The following ITGA9 variants were observed in gnomAD, a reference collection of about 807,000 sequenced individuals.
ITGA9 encodes integrin alpha-9.
ITGA9 carries 56 observed loss-of-function variants against 127.8 expected under a neutral mutation model. The observed-to-expected ratio is 0.44, with a 90% CI of 0.35 to 0.55. The LOEUF is 0.55. Ranked by LOEUF, ITGA9 falls within the 20% of genes least tolerant of loss-of-function variation. The probability of loss-of-function intolerance (pLI) is 0.00; values close to 1 mark genes in which losing one functional copy is unlikely to be tolerated. For missense variants in ITGA9, 1,196 were observed against 1,347.1 expected, an observed-to-expected ratio of 0.89 and a Z score of 1.76; for synonymous variants, 508 against 514.5, an observed-to-expected ratio of 0.99 and a Z score of 0.17.
intron 15 of ITGA9, among the ~76,000 whole-genome samples, chr3:37,563,382 A>G (rs964514492): frequency 8.5e-5 from 13 of 152,184 alleles, no homozygotes; most frequent in African/African-American, 2.7e-4. Context: ...TAAATTTTGG[A>G]TTGTCCTAAT....
At chr3:37,611,175 C>A (rs2125625836) in intron 15 of ITGA9, among the ~76,000 whole-genome samples, 1 of 152,292 alleles carries the variant, frequency 6.6e-6, no homozygotes, top group Non-Finnish European at 1.5e-5. Flanking sequence ...TTCCTATTGG[C>A]TGAATGTCCA....
At chr3:37,793,466 T>C (rs1027334255) in intron 26 of ITGA9, among the ~76,000 whole-genome samples, 2 of 150,890 alleles carry the variant, frequency 1.3e-5, no homozygotes, top group African/African-American at 4.9e-5. Flanking sequence ...CCTGCAGCAC[T>C]GTATGCATAC....
chr3:37,500,905 T>A (rs1698781369), intron 5 of ITGA9, among the ~76,000 whole-genome samples: 1 of 152,170 alleles, frequency 6.6e-6, no homozygotes. Flanking sequence ...CCATGAGCCT[T>A]CATGACCAGT....
At chr3:37,630,755 C>T (rs1034981812) in intron 16 of ITGA9, among the ~76,000 whole-genome samples, 65 of 152,210 alleles carry the variant, frequency 4.3e-4, no homozygotes, top group African/African-American at 1.5e-3. Context: ...AAACACGAAC[C>T]TTCTTTCACA....
chr3:37,581,643 G>A (rs963010646), intron 15 of ITGA9, among the ~76,000 whole-genome samples: 2 of 152,212 alleles, frequency 1.3e-5, no homozygotes, highest in African/African-American at 4.8e-5. Context: ...AGCAAGATCT[G>A]GAAAGCAAGA....
At chr3:37,578,220 T>C (rs1451586963) in intron 15 of ITGA9, among the ~76,000 whole-genome samples, 3 of 152,166 alleles carry the variant, frequency 2.0e-5, no homozygotes. Context: ...AAGAAAGGTT[T>C]GATTTTGGAA....
At chr3:37,741,638 G>T in intron 20 of ITGA9, 92 bp from the exon 21 acceptor site, 1 of 973,234 alleles carries the variant, frequency 1.0e-6, no homozygotes, top group Non-Finnish European at 1.6e-6. Context: ...CTTGGAGAAT[G>T]TAGAGATTCA....
intron 16 of ITGA9, among the ~76,000 whole-genome samples, chr3:37,652,925 A>T (rs561353041): frequency 6.6e-6 from 1 of 152,200 alleles, no homozygotes; most frequent in East Asian, 1.9e-4. Flanking sequence ...TGGACCGTAG[A>T]AGAAAGCCCT....
Position 37,590,351 on chromosome 3 carries a change from T to G in ITGA9, c.1690-38836T>G, listed in dbSNP as rs34973614. ...AGGACAGGAAGATGAGAGGAAGATA[T>G]TCCAGAGCTGGGTGGAGAGTCAGGG... On this transcript the variant is annotated intron_variant, in intron 15 of 27. Transcript: ENST00000264741. Among the ~76,000 whole-genome samples, 753 of 152,236 alleles carry G rather than the reference T, an allele frequency of 4.9e-3. 3 individuals are homozygous for G. The highest frequency in any genetic ancestry group is 0.034 in the Middle Eastern group (10 of 294).
chr3:37,508,085 G>T (rs898296827), intron 7 of ITGA9, among the ~76,000 whole-genome samples: 4 of 152,238 alleles, frequency 2.6e-5, no homozygotes, highest in African/African-American at 7.2e-5. Context: ...CTAATATTAC[G>T]TGAAATCACT....
chr3:37,666,201 A>G (rs1256811701), intron 17 of ITGA9, among the ~76,000 whole-genome samples: 1 of 152,190 alleles, frequency 6.6e-6, no homozygotes, highest in African/African-American at 2.4e-5. Flanking sequence ...GCAGCACTCT[A>G]CATGGTCTGA....
At chr3:37,523,730 T>C in intron 12 of ITGA9, 119 bp downstream of exon 12, 1 of 777,026 alleles carries the variant, frequency 1.3e-6, no homozygotes, top group Non-Finnish European at 2.3e-6. Context: ...ATTCACACAA[T>C]AGAATAGGGT....
rs10565669 is a variant in ITGA9 at position 37,759,077 on chromosome 3, CCACACA to C, written c.2541+8527_2541+8532del. Among the ~76,000 whole-genome samples, 113 of 146,174 alleles carry C rather than the reference CCACACA, an allele frequency of 7.7e-4. 3 individuals are homozygous for C. The South Asian group carries it at 0.024, about 31-fold the overall frequency. On this transcript the variant is annotated intron_variant, in intron 23 of 27. Transcript: ENST00000264741. ...AATATATATATACATATATATATACCCACACACACACACACACACACACATATACCC... is the reference window on the plus strand; with the variant it reads ...AATATATATATACATATATATATACCCACACACACACACACACATATACCC...
intron 14 of ITGA9, among the ~76,000 whole-genome samples, chr3:37,535,523 T>C (rs1442121430): frequency 6.6e-6 from 1 of 152,206 alleles, no homozygotes; most frequent in African/African-American, 2.4e-5. Context: ...GGCTTAGCCA[T>C]AGCCCCAGAA....
At chr3:37,633,224 A>G (rs1700243836) in intron 16 of ITGA9, among the ~76,000 whole-genome samples, 1 of 152,190 alleles carries the variant, frequency 6.6e-6, no homozygotes, top group Non-Finnish European at 1.5e-5. Context: ...TGTTTCTTTT[A>G]TGGGTAAGAA....
chr3:37,538,185 G>A (rs1396719360), intron 14 of ITGA9, among the ~76,000 whole-genome samples: 1 of 152,264 alleles, frequency 6.6e-6, no homozygotes, highest in East Asian at 1.9e-4. Flanking sequence ...TCCATGGTTA[G>A]CCTGAAACTC....
rs151087199 is a variant in ITGA9 at position 37,664,639 on chromosome 3, C to T, written c.1916+10849C>T. ...TTCTCCATGTTGGTCAGGCTGGTCT[C>T]GAGCTTCCCATCTTGGCCTCCCAAA... On this transcript the variant is annotated intron_variant, in intron 17 of 27. Coordinates refer to ENST00000264741, the MANE Select transcript of ITGA9 (RefSeq NM_002207.3). Among the ~76,000 whole-genome samples the T allele has an allele frequency of 3.7e-3, 562 of 151,802 alleles. 3 individuals are homozygous for T. The highest frequency in any genetic ancestry group is 5.6e-3 in the Non-Finnish European group (377 of 67,924).
chr3:37,676,428 G>T (rs76049590), intron 17 of ITGA9, among the ~76,000 whole-genome samples: 4,026 of 152,286 alleles, frequency 0.026, 168 homozygotes, highest in African/African-American at 0.089. Context: ...AGGCAAGGGA[G>T]CTGGGGTAAT....
intron 15 of ITGA9, among the ~76,000 whole-genome samples, chr3:37,618,174 TC>T (rs1412065411): frequency 5.9e-5 from 9 of 152,232 alleles, no homozygotes; most frequent in African/African-American, 2.2e-4. Flanking sequence ...TAGGTTTCCT[TC>T]TAACAGTCAG....
Sources: allele counts gnomAD v4.1 joint callset (sites outside exome capture counted in the v4.1 genomes callset), GRCh38; gene constraint gnomAD v4.1.1; transcripts MANE v1.5; gene names NCBI Gene and HGNC (gene_info 2026-07-23, HGNC 2026-07-21).